The following CCDC172 variants were observed in gnomAD, a reference collection of about 807,000 sequenced individuals.
CCDC172 encodes the protein coiled-coil domain-containing protein 172.
Under a neutral mutation model 38.0 loss-of-function variants are expected in CCDC172, and 30 were observed. The observed-to-expected ratio is 0.79, with a 90% CI of 0.59 to 1.07. The LOEUF (loss-of-function observed/expected upper bound fraction) is 1.07. Among genes scored for constraint, CCDC172 ranks in the 50% least tolerant of loss-of-function variants. The pLI, the probability that CCDC172 is intolerant of heterozygous loss-of-function variation, is 0.00. For synonymous variants in CCDC172, 78 were observed against 88.3 expected, an observed-to-expected ratio of 0.88 and a Z score of 0.66; for missense variants, 297 against 290.1, an observed-to-expected ratio of 1.02 and a Z score of -0.17.
At chr10:116,346,536 A>G (rs1844869401) in intron 5 of CCDC172, among the ~76,000 whole-genome samples, 1 of 152,096 alleles carries the variant, frequency 6.6e-6, no homozygotes, top group Non-Finnish European at 1.5e-5. Flanking sequence ...TTTTGGGTTG[A>G]TAGAAATGTA....
chr10:116,329,711 A>G (rs1042001169), intron 3 of CCDC172, among the ~76,000 whole-genome samples: 3 of 152,204 alleles, frequency 2.0e-5, no homozygotes, highest in Non-Finnish European at 4.4e-5. Context: ...ACACATTGAC[A>G]GTGCAAAAGC....
chr10:116,368,055 G>A (rs1845144321), intron 7 of CCDC172, among the ~76,000 whole-genome samples: 1 of 152,086 alleles, frequency 6.6e-6, no homozygotes, highest in Non-Finnish European at 1.5e-5. Flanking sequence ...AGAATATTAT[G>A]TAAGTGATAG....
chr10:116,376,344 G>A (rs1005249548), intron 7 of CCDC172, among the ~76,000 whole-genome samples: 4 of 152,112 alleles, frequency 2.6e-5, no homozygotes, highest in Admixed American at 6.5e-5. Flanking sequence ...GAGTTGCTTA[G>A]GTTTGGGAGA....
Position 116,357,903 on chromosome 10 carries a change from C to A in CCDC172, c.618C>A (p.Ile206=). 1.3e-6 allele frequency: 2 copies of A among 1,577,178 alleles called. No homozygotes were observed. The highest frequency in any genetic ancestry group is 1.4e-5 in the African/African-American group (1 of 72,548). ...ATCTAGAGGCAGAAAAAATAAAAAT[C>A]AGTGAAAAGCCTCAAAATGATACAG... is the stretch of plus-strand genomic sequence containing the variant. ...TKYLEAEKIK[I]SEKPQNDTEC... Residue 206 remains isoleucine, a synonymous_variant, in exon 7 of 9, where the codon ATC becomes ATA. Transcript: ENST00000333254.
chr10:116,343,559 G>C lies in CCDC172; in HGVS notation c.448+1358G>C, dbSNP rs1844827310. Among the ~76,000 whole-genome samples the C allele has an allele frequency of 2.1e-5, 3 of 145,050 alleles. No individual in the cohort carries two copies. In the South Asian group the frequency reaches 6.5e-4, roughly 32 times the overall value. On this transcript the variant is annotated intron_variant, in intron 5 of 8. Transcript: ENST00000333254. ...AAAAAATATATATAAAAGATAGCTT[G>C]CATTTGCAATTGTCCTGTGCCTGCT...
At chr10:116,338,251 T>C (rs1844753882) in intron 3 of CCDC172, among the ~76,000 whole-genome samples, 1 of 152,140 alleles carries the variant, frequency 6.6e-6, no homozygotes, top group Non-Finnish European at 1.5e-5. Flanking sequence ...CTACTTCTCA[T>C]ACTTACCAAG....
At chr10:116,372,044 AG>A (rs1276114042) in intron 7 of CCDC172, among the ~76,000 whole-genome samples, 1 of 151,922 alleles carries the variant, frequency 6.6e-6, no homozygotes, top group African/African-American at 2.4e-5. Context: ...TCTACCATTG[AG>A]TGGTTACTTA....
At chr10:116,336,129 T>C (rs1197648189) in intron 3 of CCDC172, among the ~76,000 whole-genome samples, 2 of 151,784 alleles carry the variant, frequency 1.3e-5, no homozygotes, top group African/African-American at 4.8e-5. Flanking sequence ...ATCATGCCAC[T>C]GCACTTCAGC....
intron 7 of CCDC172, among the ~76,000 whole-genome samples, chr10:116,361,703 G>A (rs553741633): frequency 1.1e-4 from 16 of 152,306 alleles, no homozygotes; most frequent in Admixed American, 8.5e-4. Context: ...ATGCATTAAT[G>A]TCATGTAGTA....
chr10:116,334,553 A>G (rs1406562407), intron 3 of CCDC172, among the ~76,000 whole-genome samples: 1 of 152,088 alleles, frequency 6.6e-6, no homozygotes, highest in Non-Finnish European at 1.5e-5. Flanking sequence ...ATATATATAA[A>G]TAAGCAATTT....
At chr10:116,343,270 A>G (rs1844817882) in intron 5 of CCDC172, among the ~76,000 whole-genome samples, 2 of 152,162 alleles carry the variant, frequency 1.3e-5, no homozygotes, top group Non-Finnish European at 2.9e-5. Context: ...GACCTCAGCC[A>G]AAGAAACAGT....
chr10:116,374,484 T>C, intron 7 of CCDC172, among the ~76,000 whole-genome samples: 1 of 142,436 alleles, frequency 7.0e-6, no homozygotes, highest in East Asian at 2.1e-4. Context: ...TTAAACTTTA[T>C]CATAGGTATA....
At chr10:116,366,088 T>C (rs1357107437) in intron 7 of CCDC172, among the ~76,000 whole-genome samples, 2 of 152,192 alleles carry the variant, frequency 1.3e-5, no homozygotes, top group Non-Finnish European at 2.9e-5. Context: ...ATAAATATTA[T>C]ATTTTTATTC....
At chr10:116,357,742 G>A (rs1845016488) in intron 6 of CCDC172, 94 bp from the exon 7 acceptor site, 3 of 723,578 alleles carry the variant, frequency 4.1e-6, no homozygotes, top group Admixed American at 3.5e-5. Context: ...TTATATGCAA[G>A]CACCAAAAAT....
At chr10:116,373,671 A>G (rs761520151) in intron 7 of CCDC172, among the ~76,000 whole-genome samples, 1 of 151,964 alleles carries the variant, frequency 6.6e-6, no homozygotes, top group Non-Finnish European at 1.5e-5. Context: ...CACCTGGCTA[A>G]TTTTTGTATT....
At chr10:116,357,334 T>G (rs754107376) in intron 5 of CCDC172, 46 bp from the exon 6 acceptor site, 2 of 1,287,094 alleles carry the variant, frequency 1.6e-6, no homozygotes, top group Non-Finnish European at 2.1e-6. Context: ...GGGGTTAAAT[T>G]TATTTCTAAG....
At chr10:116,346,122 G>A (rs1589952016) in intron 5 of CCDC172, among the ~76,000 whole-genome samples, 1 of 151,792 alleles carries the variant, frequency 6.6e-6, no homozygotes, top group African/African-American at 2.4e-5. Context: ...GTGAAACCCC[G>A]TCTCTACTAA....
Position 116,357,843 on chromosome 10 carries a change from A to T in CCDC172, c.558A>T (p.Glu186Asp). Residue 186 changes from glutamate (E) to aspartate (D), a missense_variant, in exon 7 of 9, where the codon GAA becomes GAT. By Grantham distance (45) the Glu-to-Asp change is conservative. Transcript: ENST00000333254. ...FTLQRKLKVF[E>D]DEENESICTT... ...ATTTTTTGATTTGTTTAGTTTTTGA[A>T]GATGAAGAGAATGAATCCATTTGTA... The T allele has an allele frequency of 6.9e-7, 1 of 1,453,402 alleles. No homozygotes were observed. The highest frequency in any genetic ancestry group is 9.4e-7 in the Non-Finnish European group (1 of 1,063,666). The allele number at this position is 1,453,402 out of a possible 1,614,324, so 90.0% of individuals were successfully genotyped here.
intron 7 of CCDC172, among the ~76,000 whole-genome samples, chr10:116,368,808 A>G (rs1027003003): frequency 2.0e-5 from 3 of 152,118 alleles, no homozygotes; most frequent in South Asian, 4.2e-4. Context: ...CCATTTTTAA[A>G]TGGTAAATTT....
Sources: gnomAD v4.1 joint callset for allele counts (sites outside exome capture counted in the v4.1 genomes callset) on GRCh38, gnomAD v4.1.1 for gene constraint, MANE v1.5 for transcripts, NCBI Gene and HGNC (gene_info 2026-07-23, HGNC 2026-07-21) for gene names.